Variants in CCDC144A observed in about 807,000 individuals in gnomAD.
CCDC144A encodes the protein coiled-coil domain-containing protein 144A.
In CCDC144A, 41 loss-of-function variants were observed where a neutral mutation model predicts 143.8. The observed-to-expected ratio is 0.29, with a 90% confidence interval of 0.22 to 0.37. The LOEUF (loss-of-function observed/expected upper bound fraction) is 0.37, where lower values mean the gene tolerates loss of function less well. Ranked by LOEUF, CCDC144A falls within the 10% of genes least tolerant of loss-of-function variation. The pLI is 1.00. For synonymous variants in CCDC144A, 242 were observed against 517.9 expected (o/e 0.47, Z 7.23); for missense variants, 637 against 1,488.8 (o/e 0.43, Z 9.41).
chr17:16,692,547 G>A (rs1911151137), intron 1 of CCDC144A, among the ~76,000 whole-genome samples: 1 of 138,934 alleles, frequency 7.2e-6, no homozygotes, highest in Non-Finnish European at 1.5e-5. Flanking sequence ...TAAAGCTCAA[G>A]AACAAATTAT....
intron 12 of CCDC144A, among the ~76,000 whole-genome samples, chr17:16,740,169 GGCT>G (rs1914195463): frequency 1.3e-5 from 2 of 152,120 alleles, no homozygotes; most frequent in East Asian, 3.9e-4. Flanking sequence ...ATTAAGTCTA[GGCT>G]GTCATCTTTC....
chr17:16,670,284 CTTTTTTCT>C, the CCDC144A span, among the ~76,000 whole-genome samples: 7 of 141,398 alleles, frequency 5.0e-5, no homozygotes, highest in South Asian at 1.7e-3. Flanking sequence ...TTGTGTTTTT[CTTTTTTCT>C]TTTTTTTTTT....
At chr17:16,766,136 T>C (rs1349760666) in intron 15 of CCDC144A, 1 of 152,370 alleles carries the variant, frequency 6.6e-6, no homozygotes, top group East Asian at 1.9e-4. Flanking sequence ...GCGGGACAAT[T>C]TGAAGCAAAG....
At chr17:16,733,602 T>C (rs1913854611) in intron 11 of CCDC144A, among the ~76,000 whole-genome samples, 1 of 150,894 alleles carries the variant, frequency 6.6e-6, no homozygotes, top group Non-Finnish European at 1.5e-5. Context: ...ACTTAAGTTA[T>C]TGTAATAACA....
At chr17:16,683,203 C>CA in the CCDC144A span, among the ~76,000 whole-genome samples, 1 of 151,978 alleles carries the variant, frequency 6.6e-6, no homozygotes, top group African/African-American at 2.4e-5. Context: ...GAAGGGTTCT[C>CA]ACCACAAAAA....
upstream of CCDC144A, among the ~76,000 whole-genome samples, chr17:16,687,114 G>C (rs776531704): frequency 6.6e-6 from 1 of 152,172 alleles, no homozygotes; most frequent in Non-Finnish European, 1.5e-5. Context: ...TTTCTGTCCT[G>C]AGGCTTTCAG....
the CCDC144A span, among the ~76,000 whole-genome samples, chr17:16,667,574 C>G: frequency 1.3e-5 from 2 of 152,208 alleles, no homozygotes; most frequent in Non-Finnish European, 2.9e-5. Context: ...TGCTTTCTCT[C>G]CGGCTGCTCA....
chr17:16,754,317 T>C (rs1183788596), intron 12 of CCDC144A, among the ~76,000 whole-genome samples: 1 of 152,196 alleles, frequency 6.6e-6, no homozygotes, highest in Non-Finnish European at 1.5e-5. Flanking sequence ...GGTCTGTTCT[T>C]GCTTTTTTGG....
chr17:16,687,548 C>T (rs1371886923), upstream of CCDC144A, among the ~76,000 whole-genome samples: 3 of 152,194 alleles, frequency 2.0e-5, no homozygotes, highest in Non-Finnish European at 2.9e-5. Flanking sequence ...AGCCCTCCAG[C>T]GGTGAGGAAT....
In CCDC144A at chr17:16,711,136, G is replaced by GAAAAAAAAAAAAAAAAAAAAA. The variant is rs1210697273; in HGVS notation, c.1579-541_1579-521dup. ...CTTTTTGATATCCCAGGATTCAAATGAAAAAAAAAAAAAAAAAAAAAACAA... is the reference window on the plus strand; with the variant it reads ...CTTTTTGATATCCCAGGATTCAAATGAAAAAAAAAAAAAAAAAAAAAAAAAAAAAAAAAAAAAAAAAAACAA... On this transcript the variant is annotated intron_variant, in intron 5 of 16. Coordinates refer to ENST00000399273, the MANE Select transcript of CCDC144A (RefSeq NM_001382000.1). Among the ~76,000 whole-genome samples the GAAAAAAAAAAAAAAAAAAAAA allele has an allele frequency of 1.6e-3, 34 of 21,774 alleles. 2 individuals are homozygous for GAAAAAAAAAAAAAAAAAAAAA. Among genetic ancestry groups the GAAAAAAAAAAAAAAAAAAAAA allele is most frequent in the Non-Finnish European group, 1.7e-3 (20 of 11,574 alleles). The allele number at this position is 21,774 out of a possible 152,430, so 14.3% of individuals were successfully genotyped here.
intron 8 of CCDC144A, among the ~76,000 whole-genome samples, chr17:16,726,360 G>A (rs1031687517): frequency 7.2e-6 from 1 of 139,524 alleles, no homozygotes; most frequent in Non-Finnish European, 1.5e-5. Flanking sequence ...CAGCCTGGGC[G>A]ACACAGCGAG....
At chr17:16,683,981 C>T in the CCDC144A span, 2 of 1,054,918 alleles carry the variant, frequency 1.9e-6, no homozygotes, top group Non-Finnish European at 3.0e-6. Context: ...AGGCATTAGA[C>T]TTCCTGGGTG....
At chr17:16,687,340 G>A (rs1910817180), upstream of CCDC144A, among the ~76,000 whole-genome samples, 1 of 152,070 alleles carries the variant, frequency 6.6e-6, no homozygotes. Flanking sequence ...TCTGATGGTA[G>A]CCCATCCCCC....
the CCDC144A span, among the ~76,000 whole-genome samples, chr17:16,669,708 C>A: frequency 6.6e-6 from 1 of 152,152 alleles, no homozygotes; most frequent in Non-Finnish European, 1.5e-5. Context: ...CTATTGGACA[C>A]CATACCTCTA....
the CCDC144A span, among the ~76,000 whole-genome samples, chr17:16,677,149 T>A: frequency 6.6e-6 from 1 of 152,080 alleles, no homozygotes; most frequent in African/African-American, 2.4e-5. Flanking sequence ...GCATTCTGCC[T>A]TCTCTCCTTC....
the CCDC144A span, among the ~76,000 whole-genome samples, chr17:16,676,266 C>T: frequency 4.6e-5 from 7 of 152,106 alleles, 1 homozygote; most frequent in African/African-American, 7.2e-5. Context: ...ATTCCCACCA[C>T]TTTGGGAGGC....
At chr17:16,687,531 G>A (rs968780977), upstream of CCDC144A, among the ~76,000 whole-genome samples, 6 of 152,078 alleles carry the variant, frequency 3.9e-5, no homozygotes, top group African/African-American at 1.2e-4. Context: ...CACATACCCA[G>A]GGGACAAGCC....
At chr17:16,744,126 A>G (rs189680237) in intron 12 of CCDC144A, among the ~76,000 whole-genome samples, 7 of 152,338 alleles carry the variant, frequency 4.6e-5, no homozygotes, top group Admixed American at 4.6e-4. Context: ...GCTGTTGTGA[A>G]TAGTGCTGCA....
In CCDC144A at chr17:16,745,975, C is replaced by A. The variant is rs114491844; in HGVS notation, c.3372+10332C>A. 1.3e-3 allele frequency: 2,169 copies of A among 1,609,572 alleles called. 34 individuals carry two copies. The African/African-American group carries it at 0.025, about 19-fold the overall frequency. On this transcript the variant is annotated intron_variant, in intron 12 of 16. Transcript: ENST00000399273. ...GCTCTGTGCCTCCTGCCGTCATCCA[C>A]ATGGTGTCTTTGTGATTCAGATTCT...
Sources: allele counts gnomAD v4.1 joint callset (sites outside exome capture counted in the v4.1 genomes callset), GRCh38; gene constraint gnomAD v4.1.1; transcripts MANE v1.5; gene names NCBI Gene and HGNC (gene_info 2026-07-23, HGNC 2026-07-21).